The following KIF18A variants were observed in gnomAD, a reference collection of about 807,000 sequenced individuals.
KIF18A encodes kinesin-like protein KIF18A.
In KIF18A, 67 loss-of-function variants were observed where a neutral mutation model predicts 103.3. The observed-to-expected ratio is 0.65, with a 90% CI of 0.53 to 0.79. The LOEUF (loss-of-function observed/expected upper bound fraction) is 0.79, where lower values mean the gene tolerates loss of function less well. Among genes scored for constraint, KIF18A ranks in the 30% least tolerant of loss-of-function variants. KIF18A has a pLI of 0.00. For synonymous variants in KIF18A, 367 were observed against 355.5 expected, an observed-to-expected ratio of 1.03 and a Z score of -0.36; for missense variants, 1,032 against 1,062.5, an observed-to-expected ratio of 0.97 and a Z score of 0.40.
chr11:28,050,030 G>A (rs1850692532), intron 13 of KIF18A, among the ~76,000 whole-genome samples: 1 of 151,656 alleles, frequency 6.6e-6, no homozygotes, highest in East Asian at 1.9e-4. Context: ...CTAATACATA[G>A]GGAACTATTG....
intron 11 of KIF18A, among the ~76,000 whole-genome samples, chr11:28,068,707 G>A (rs961758162): frequency 6.6e-6 from 1 of 152,026 alleles, no homozygotes; most frequent in African/African-American, 2.4e-5. Context: ...GCACGATAAT[G>A]ACATTTTAAA....
chr11:28,094,567 T>A, intron 3 of KIF18A, 76 bp downstream of exon 3: 1 of 1,018,130 alleles, frequency 9.8e-7, no homozygotes, highest in African/African-American at 1.6e-5. Flanking sequence ...GGAAAACTCT[T>A]ATATAATAAA....
chr11:28,086,435 G>A (rs1384254939), intron 6 of KIF18A, among the ~76,000 whole-genome samples: 4 of 152,090 alleles, frequency 2.6e-5, no homozygotes, highest in East Asian at 3.8e-4. Context: ...AATAAATTTT[G>A]TTAAGTTTTG....
chr11:28,094,633 C>A lies in KIF18A; in HGVS notation c.483+10G>T. On this transcript the variant is annotated intron_variant, in intron 3 of 16. Transcript: ENST00000263181. The stretch of plus-strand genomic sequence containing the variant: ...CCAAAACTATTGATTAATCTAAATT[C>A]CCAACTTACCTCCAGATATGAAACT... 1 of 1,591,936 alleles carries A rather than the reference C, an allele frequency of 6.3e-7. No individual in the cohort carries two copies. The highest frequency in any genetic ancestry group is 8.6e-7 in the Non-Finnish European group (1 of 1,161,758).
intron 15 of KIF18A, among the ~76,000 whole-genome samples, chr11:28,024,961 C>G (rs763331523): frequency 6.6e-6 from 1 of 151,862 alleles, no homozygotes; most frequent in African/African-American, 2.4e-5. Flanking sequence ...CTACACATAT[C>G]TATGATAAAG....
Position 28,096,876 on chromosome 11 carries a change from C to T in KIF18A, c.325+747G>A, listed in dbSNP as rs201977129. ...TTGCATCTTGGGTATCTCTCTCTCT[C>T]TCTCTCTTTTTTTTTTTTTAAAAAG... On this transcript the variant is annotated intron_variant, in intron 2 of 16. Transcript: ENST00000263181. Among the ~76,000 whole-genome samples the T allele has an allele frequency of 2.6e-5, 4 of 150,954 alleles. No homozygotes were observed. The East Asian group carries it at 7.8e-4, about 29-fold the overall frequency.
rs1310857232 is a variant in KIF18A at position 28,090,760 on chromosome 11, A to C, written c.589-33T>G. 5.1e-6 allele frequency: 5 copies of C among 979,634 alleles called. No individual in the cohort carries two copies. In the South Asian group the frequency reaches 6.8e-5, roughly 13 times the overall value. 60.7% of individuals were successfully genotyped at this position (979,634 alleles called of 1,614,324 possible). On this transcript the variant is annotated intron_variant, in intron 4 of 16. Coordinates refer to ENST00000263181, the MANE Select transcript of KIF18A (RefSeq NM_031217.4). ...AGTTTAAGTAGAAGCAAAATTTAAA[A>C]ATCAGCAATATATCTTTAAATTTTT...
intron 1 of KIF18A, among the ~76,000 whole-genome samples, chr11:28,104,596 C>T (rs1299632262): frequency 6.6e-6 from 1 of 150,732 alleles, no homozygotes; most frequent in Non-Finnish European, 1.5e-5. Flanking sequence ...TCTCCAATCC[C>T]TTACTAGGTT....
chr11:28,101,526 T>C (rs1339017992), intron 1 of KIF18A, among the ~76,000 whole-genome samples: 1 of 152,182 alleles, frequency 6.6e-6, no homozygotes, highest in African/African-American at 2.4e-5. Context: ...CTGACTGTGA[T>C]AGTGGATAAG....
chr11:28,062,938 G>A (rs1850874294), intron 11 of KIF18A, among the ~76,000 whole-genome samples: 1 of 151,982 alleles, frequency 6.6e-6, no homozygotes, highest in South Asian at 2.1e-4. Flanking sequence ...CAATTTCATT[G>A]ATGTATTCAT....
At chr11:28,051,413 G>T (rs1850710285) in intron 13 of KIF18A, among the ~76,000 whole-genome samples, 1 of 151,858 alleles carries the variant, frequency 6.6e-6, no homozygotes, top group Non-Finnish European at 1.5e-5. Flanking sequence ...AAACACAGTG[G>T]CTGTTAAGGA....
At chr11:28,096,155 A>C (rs1851368153) in intron 2 of KIF18A, among the ~76,000 whole-genome samples, 1 of 144,644 alleles carries the variant, frequency 6.9e-6, no homozygotes, top group Admixed American at 6.9e-5. Context: ...CAGCCTGGGC[A>C]ACACAGCAAG....
intron 1 of KIF18A, among the ~76,000 whole-genome samples, chr11:28,106,900 G>T (rs1307100772): frequency 6.6e-6 from 1 of 152,146 alleles, no homozygotes; most frequent in African/African-American, 2.4e-5. Context: ...GAACCTGGGA[G>T]GTGGAGGTTG....
intron 2 of KIF18A, among the ~76,000 whole-genome samples, chr11:28,096,471 T>G (rs1051868216): frequency 6.6e-6 from 1 of 152,184 alleles, no homozygotes; most frequent in Non-Finnish European, 1.5e-5. Context: ...TTAAGCTGTC[T>G]TAAAGACAGG....
intron 13 of KIF18A, among the ~76,000 whole-genome samples, chr11:28,058,333 T>C (rs1565078603): frequency 6.6e-6 from 1 of 151,528 alleles, no homozygotes; most frequent in Non-Finnish European, 1.5e-5. Context: ...TAAAGAAGGA[T>C]GGGAAGCAAA....
chr11:28,038,192 GAAAC>G (rs2133498526), intron 13 of KIF18A, among the ~76,000 whole-genome samples: 1 of 151,574 alleles, frequency 6.6e-6, no homozygotes, highest in Admixed American at 6.6e-5. Flanking sequence ...CCAAAATTAA[GAAAC>G]AAATTGTTTC....
intron 13 of KIF18A, among the ~76,000 whole-genome samples, chr11:28,043,050 A>T (rs1393786270): frequency 6.6e-6 from 1 of 151,946 alleles, no homozygotes; most frequent in Non-Finnish European, 1.5e-5. Context: ...TGATGGGGTA[A>T]GGTGGGAGTT....
At chr11:28,080,370 C>G (rs934307871) in intron 9 of KIF18A, among the ~76,000 whole-genome samples, 1 of 127,876 alleles carries the variant, frequency 7.8e-6, no homozygotes, top group African/African-American at 2.9e-5. Context: ...TTTTTTTAAA[C>G]AAACTGAAGG....
intron 10 of KIF18A, among the ~76,000 whole-genome samples, chr11:28,074,726 A>T (rs965154815): frequency 1.3e-5 from 2 of 152,110 alleles, no homozygotes; most frequent in Non-Finnish European, 2.9e-5. Context: ...AGAAATGCAA[A>T]ATTTTTCTAT....
Sources: allele counts gnomAD v4.1 joint callset (sites outside exome capture counted in the v4.1 genomes callset), GRCh38; gene constraint gnomAD v4.1.1; transcripts MANE v1.5; gene names NCBI Gene and HGNC (gene_info 2026-07-23, HGNC 2026-07-21).